The following SPTBN1 variants were observed in gnomAD, a reference collection of about 807,000 sequenced individuals.
The protein encoded by SPTBN1 is spectrin beta, non-erythrocytic 1, also known as spectrin beta chain, non-erythrocytic 1.
In SPTBN1, 32 loss-of-function variants were observed where a neutral mutation model predicts 266.4. The ratio of observed to expected loss-of-function variants is 0.12; its 90% CI spans 0.09 to 0.16. SPTBN1 has a LOEUF of 0.16. Ranked by LOEUF, SPTBN1 falls within the 10% of genes least tolerant of loss-of-function variation. SPTBN1 has a pLI of 1.00. For missense variants in SPTBN1, 2,296 were observed against 3,067.1 expected (o/e 0.75, Z 5.94); for synonymous variants, 1,336 against 1,162.2 (o/e 1.15, Z -3.04).
At chr2:54,583,799 A>G (rs915177202) in intron 2 of SPTBN1, among the ~76,000 whole-genome samples, 10 of 152,184 alleles carry the variant, frequency 6.6e-5, no homozygotes, top group Admixed American at 5.2e-4. Flanking sequence ...CCAGAAGAGT[A>G]TGTTTTCCTC....
At chr2:54,530,040 C>A (rs988442845) in intron 2 of SPTBN1, among the ~76,000 whole-genome samples, 1 of 152,016 alleles carries the variant, frequency 6.6e-6, no homozygotes, top group East Asian at 1.9e-4. Context: ...TGTTCTAAAG[C>A]GAGACATTTT....
chr2:54,639,662 A>G (rs142522184), intron 18 of SPTBN1, among the ~76,000 whole-genome samples: 3 of 152,352 alleles, frequency 2.0e-5, no homozygotes, highest in East Asian at 1.9e-4. Flanking sequence ...GTTCTTCCCG[A>G]TAGAATCACA....
intron 3 of SPTBN1, among the ~76,000 whole-genome samples, chr2:54,602,385 G>A (rs1342830513): frequency 6.6e-6 from 1 of 152,110 alleles, no homozygotes; most frequent in Non-Finnish European, 1.5e-5. Flanking sequence ...AGAGAGAGGA[G>A]CCCCTGGCAT....
Position 54,646,195 on chromosome 2 carries a change from C to A in SPTBN1, c.4586C>A (p.Thr1529Asn). ...TVQLLIKKNQ[T>N]LQKEIQGHQP... ...GTGTGTATTTTCCGCTCCCTCCAGA[C>A]CCTCCAGAAAGAAATCCAGGGGCAC... Residue 1529 changes from threonine (T) to asparagine (N), a missense_variant and splice_region_variant, in exon 23 of 36, where the codon ACC (threonine) becomes AAC (asparagine). Thr to Asn is a moderately conservative substitution (Grantham distance 65, BLOSUM62 0). Around this residue, in one of 12 missense-constraint regions of SPTBN1, gnomAD observed 644 missense variants for 745.3 expected, o/e 0.86. Coordinates refer to ENST00000356805, the MANE Select transcript of SPTBN1 (RefSeq NM_003128.3). The surrounding 1 kb of genome is among the most constrained non-coding windows in gnomAD (Gnocchi z 4.4). 6.2e-7 allele frequency: 1 copy of A among 1,609,224 alleles called. No individual in the cohort carries two copies. Among genetic ancestry groups the A allele is most frequent in the Non-Finnish European group, 8.5e-7 (1 of 1,177,176 alleles).
In SPTBN1 at chr2:54,648,291, C is replaced by T. The variant is rs1376181451; in HGVS notation, c.4998-695C>T. Reference sequence around the variant, plus strand: ...CAGGATTCCCAGGAAAGTGGCCTTCCTAGTCTCCAGGGATAGGCACCAACA... The same window carrying T: ...CAGGATTCCCAGGAAAGTGGCCTTCTTAGTCTCCAGGGATAGGCACCAACA... On this transcript the variant is annotated intron_variant, in intron 24 of 35. Transcript: ENST00000356805. 2.0e-5 allele frequency among the ~76,000 whole-genome samples: 3 copies of T among 152,252 alleles called. No homozygotes were observed. The East Asian group carries it at 5.8e-4, about 29-fold the overall frequency.
chr2:54,462,608 C>T (rs1186236195), intron 1 of SPTBN1, among the ~76,000 whole-genome samples: 2 of 152,090 alleles, frequency 1.3e-5, no homozygotes, highest in Non-Finnish European at 2.9e-5. Context: ...GTTTTGTGGA[C>T]TGGCTTAAAG....
intron 5 of SPTBN1, among the ~76,000 whole-genome samples, 171 bp from the exon 6 acceptor site, chr2:54,617,437 T>C (rs1677679269): frequency 6.6e-6 from 1 of 152,256 alleles, no homozygotes; most frequent in Non-Finnish European, 1.5e-5. Context: ...TTTTATTTTA[T>C]GGCAGGCTCG....
intron 26 of SPTBN1, among the ~76,000 whole-genome samples, chr2:54,652,156 G>A (rs1464679648): frequency 1.3e-5 from 2 of 152,128 alleles, no homozygotes; most frequent in African/African-American, 4.8e-5. Context: ...CCCTATATGT[G>A]TATGCCTTTA....
At chr2:54,632,532 G>T in intron 16 of SPTBN1, 34 bp from the exon 17 acceptor site, 1 of 1,604,288 alleles carries the variant, frequency 6.2e-7, no homozygotes, top group South Asian at 1.1e-5. Flanking sequence ...ATCCTTCATT[G>T]ATCTGCTATG....
intron 1 of SPTBN1, among the ~76,000 whole-genome samples, chr2:54,482,394 A>G (rs1668145896): frequency 6.6e-6 from 1 of 152,148 alleles, no homozygotes. Context: ...ACAATTAGAG[A>G]AAAAATGCAG....
intron 2 of SPTBN1, among the ~76,000 whole-genome samples, chr2:54,593,394 C>T (rs1675818628): frequency 6.6e-6 from 1 of 152,144 alleles, no homozygotes. Context: ...CCACGGAGGG[C>T]TGCTGGTTCT....
chr2:54,634,364 C>G (rs1020670778), intron 17 of SPTBN1, among the ~76,000 whole-genome samples: 2 of 152,214 alleles, frequency 1.3e-5, no homozygotes, highest in African/African-American at 2.4e-5. Flanking sequence ...TGCCCTTGAC[C>G]AAGAGCCTGG....
intron 29 of SPTBN1, among the ~76,000 whole-genome samples, 200 bp downstream of exon 29, chr2:54,656,198 A>T (rs1398507426): frequency 6.6e-6 from 1 of 152,114 alleles, no homozygotes; most frequent in African/African-American, 2.4e-5. Flanking sequence ...TCACCTCTTG[A>T]TTGATCTCAG....
intron 18 of SPTBN1, among the ~76,000 whole-genome samples, chr2:54,640,188 G>A (rs2104006209): frequency 6.6e-6 from 1 of 152,178 alleles, no homozygotes; most frequent in East Asian, 1.9e-4. Flanking sequence ...TTTGAGAATG[G>A]CGTTTGTGTG....
chr2:54,569,497 C>G (rs1171965914), intron 2 of SPTBN1, among the ~76,000 whole-genome samples: 1 of 152,170 alleles, frequency 6.6e-6, no homozygotes, highest in African/African-American at 2.4e-5. Flanking sequence ...TATATATAAG[C>G]ACACACATAT....
Position 54,667,461 on chromosome 2 carries a change from C to A in SPTBN1, c.6834-143C>A, listed in dbSNP as rs537343405. The A allele has an allele frequency of 2.5e-4, 174 of 686,998 alleles. 3 individuals are homozygous for A. The South Asian group carries it at 3.8e-3, about 15-fold the overall frequency. The allele number at this position is 686,998 out of a possible 1,614,324, so 42.6% of individuals were successfully genotyped here. A position where few individuals can be genotyped will look rare whatever the true frequency, so the allele number is the denominator to read the frequency against. On this transcript the variant is annotated intron_variant, in intron 34 of 35. Coordinates refer to ENST00000356805, the MANE Select transcript of SPTBN1 (RefSeq NM_003128.3). ...CTGTTGCTGGGCCTGGGCGGGTCCC[C>A]AGGCTTGGTGGTGACATATGTAGGT...
intron 1 of SPTBN1, among the ~76,000 whole-genome samples, chr2:54,476,318 G>C (rs1667829673): frequency 1.3e-5 from 2 of 152,150 alleles, no homozygotes; most frequent in Admixed American, 1.3e-4. Context: ...AAAAAGAAGA[G>C]ACTGGGTATG....
intron 2 of SPTBN1, among the ~76,000 whole-genome samples, chr2:54,546,103 A>G (rs2104413778): frequency 6.6e-6 from 1 of 152,324 alleles, no homozygotes; most frequent in African/African-American, 2.4e-5. Context: ...TATAATCACT[A>G]CAAATTACAG....
In SPTBN1 at chr2:54,670,603, G is replaced by T. The variant is rs369957435; in HGVS notation, c.*2034G>T. On this transcript the variant is annotated 3_prime_UTR_variant, in exon 36 of 36. Transcript: ENST00000356805. ...GACCAAAATGTTTAGTTAAGGCAAA[G>T]TATCTTGGAAACAATTGTGATTAAT... 1 of 398,384 alleles carries T rather than the reference G, an allele frequency of 2.5e-6. No individual in the cohort carries two copies. The highest frequency in any genetic ancestry group is 4.4e-6 in the Non-Finnish European group (1 of 226,030). 24.7% of individuals were successfully genotyped at this position (398,384 alleles called of 1,614,324 possible).
Sources: gnomAD v4.1 joint callset for allele counts (sites outside exome capture counted in the v4.1 genomes callset) on GRCh38, gnomAD v4.1.1 for gene constraint, gnomAD v4.1.1 regional missense constraint, Gnocchi (gnomAD v3.1) non-coding constraint, MANE v1.5 for transcripts, NCBI Gene and HGNC (gene_info 2026-07-23, HGNC 2026-07-21) for gene names.